AP1G1: variants seen among roughly 807,000 people sequenced by gnomAD.
The protein encoded by AP1G1 is adaptor related protein complex 1 subunit gamma 1, also known as AP-1 complex subunit gamma-1.
AP1G1 carries 7 observed loss-of-function variants against 108.3 expected under a neutral mutation model. The ratio of observed to expected loss-of-function variants is 0.06; its 90% CI spans 0.04 to 0.12. The LOEUF is 0.12. Among genes scored for constraint, AP1G1 ranks in the 10% least tolerant of loss-of-function variants. The pLI, the probability that AP1G1 is intolerant of heterozygous loss-of-function variation, is 1.00. For synonymous variants in AP1G1, 379 were observed against 353.5 expected, an observed-to-expected ratio of 1.07 and a Z score of -0.81; for missense variants, 756 against 1,010.7, an observed-to-expected ratio of 0.75 and a Z score of 3.42.
intron 1 of AP1G1, among the ~76,000 whole-genome samples, chr16:71,800,046 T>A (rs2032730731): frequency 6.8e-6 from 1 of 146,454 alleles, no homozygotes; most frequent in South Asian, 2.2e-4. Flanking sequence ...CATAGCAAAA[T>A]GTCATCTTTT....
intron 1 of AP1G1, among the ~76,000 whole-genome samples, chr16:71,795,956 G>A (rs557106842): frequency 6.6e-6 from 1 of 152,326 alleles, no homozygotes; most frequent in South Asian, 2.1e-4. Flanking sequence ...CTGGGGATAG[G>A]CCAGGCGTGG....
At chr16:71,768,457 C>T (rs909536485) in intron 6 of AP1G1, among the ~76,000 whole-genome samples, 4 of 142,042 alleles carry the variant, frequency 2.8e-5, no homozygotes, top group African/African-American at 1.1e-4. Context: ...GCCAAGATTG[C>T]ACCACTGCAC....
intron 15 of AP1G1, 134 bp downstream of exon 15, chr16:71,749,760 G>A (rs1453691707): frequency 2.8e-6 from 2 of 722,432 alleles, no homozygotes; most frequent in African/African-American, 1.7e-5. Flanking sequence ...CAAAGCGCTG[G>A]GATTATAGGC....
chr16:71,746,445 A>C, intron 17 of AP1G1, 143 bp downstream of exon 17: 1 of 475,468 alleles, frequency 2.1e-6, no homozygotes, highest in Non-Finnish European at 3.6e-6. Context: ...TGGACAAAAC[A>C]GAAGCAGACA....
intron 4 of AP1G1, among the ~76,000 whole-genome samples, chr16:71,771,813 C>A (rs2031582412): frequency 6.6e-6 from 1 of 152,160 alleles, no homozygotes; most frequent in Non-Finnish European, 1.5e-5. Context: ...CATCACACAA[C>A]TGAAAGATAT....
chr16:71,745,593 C>A lies in AP1G1; in HGVS notation c.1752G>T (p.Met584Ile), dbSNP rs573600980. 1.9e-6 allele frequency: 3 copies of A among 1,614,134 alleles called. No individual in the cohort carries two copies. The South Asian group carries it at 3.3e-5, about 18-fold the overall frequency. ...TTGTGGTCACTTTTTCCATGACAGGCATTCTCTCAAGTAGGGCAGACCTAG... is the reference window on the plus strand; with the variant it reads ...TTGTGGTCACTTTTTCCATGACAGGAATTCTCTCAAGTAGGGCAGACCTAG... ...DHMRSALLER[M>I]PVMEKVTTNG... The change falls in exon 18 of 23, where the codon ATG (methionine) becomes ATT (isoleucine). Residue 584 changes from methionine to isoleucine, a missense_variant. Physicochemically the swap from Met to Ile is conservative, Grantham distance 10. This residue lies in a region of AP1G1 where 357 missense variants were observed against 366.5 expected (regional missense o/e 0.97). Transcript: ENST00000299980.
chr16:71,759,941 T>C (rs1028131277), intron 10 of AP1G1, among the ~76,000 whole-genome samples: 1 of 152,126 alleles, frequency 6.6e-6, no homozygotes, highest in African/African-American at 2.4e-5. Flanking sequence ...TTCTCTGCTT[T>C]TATTTGATCT....
At position 71,730,987 on chromosome 16, in the gene AP1G1, G is replaced by A. The variant is rs933784247; in HGVS notation, c.*2071C>T. 1 of 152,354 alleles carries A rather than the reference G, an allele frequency of 6.6e-6. No homozygotes were observed. 9.4% of individuals were successfully genotyped at this position (152,354 alleles called of 1,614,324 possible). ...CTGAGCTGGTTAGCTACAAATATAA[G>A]AGAGAAAATAAAGCCTCTACACAAA... is the stretch of plus-strand genomic sequence containing the variant. On this transcript the variant is annotated 3_prime_UTR_variant, in exon 23 of 23. Transcript: ENST00000299980.
intron 21 of AP1G1, among the ~76,000 whole-genome samples, chr16:71,736,545 T>C (rs2145411106): frequency 7.2e-6 from 1 of 138,518 alleles, no homozygotes; most frequent in South Asian, 2.3e-4. Context: ...CACGCCCGGC[T>C]AATTTATTAT....
Position 71,746,669 on chromosome 16 carries a change from A to C in AP1G1, c.1649T>G (p.Ile550Ser). The C allele has an allele frequency of 6.2e-7, 1 of 1,612,388 alleles. No homozygotes were observed. Among genetic ancestry groups the C allele is most frequent in the Non-Finnish European group, 8.5e-7 (1 of 1,179,352 alleles). The change falls in exon 17 of 23, where the codon ATC (isoleucine) becomes AGC (serine). Residue 550 changes from isoleucine (I) to serine (S), a missense_variant. By Grantham distance (142) the Ile-to-Ser change is moderately radical. This residue lies in a region of AP1G1 where 357 missense variants were observed against 366.5 expected (regional missense o/e 0.97). Transcript: ENST00000299980. ...TVNRIKKVVS[I>S]YGSSIDVELQ... ...TTCCACATCAATGCTGCTTCCGTAG[A>C]TGGAAACCACTTTCTTAATTCGGCT...
chr16:71,771,166 C>G lies in AP1G1; in HGVS notation c.555G>C (p.Glu185Asp). The change falls in exon 5 of 23, where the codon GAG becomes GAC. Residue 185 changes from glutamate to aspartate, a missense_variant. Physicochemically the swap from Glu to Asp is conservative, Grantham distance 45. Around this residue, in one of 3 missense-constraint regions of AP1G1, gnomAD observed 304 missense variants for 483.6 expected, o/e 0.63. Coordinates refer to ENST00000299980, the MANE Select transcript of AP1G1 (RefSeq NM_001128.6). ...TCCAAATTACATTACCATGGTTCTTCTCATTCAATAAATTTTTTGTTGCTG... is the reference window on the plus strand; with the variant it reads ...TCCAAATTACATTACCATGGTTCTTGTCATTCAATAAATTTTTTGTTGCTG... ...FLPATKNLLNEKNHGVLHTSV... is the reference protein window; with the variant it reads ...FLPATKNLLNDKNHGVLHTSV... 6.3e-7 allele frequency: 1 copy of G among 1,596,376 alleles called. No individual in the cohort carries two copies. The highest frequency in any genetic ancestry group is 1.1e-5 in the South Asian group (1 of 90,510).
At chr16:71,790,028 A>G (rs376198881) in intron 1 of AP1G1, among the ~76,000 whole-genome samples, 40 of 152,292 alleles carry the variant, frequency 2.6e-4, no homozygotes, top group African/African-American at 8.9e-4. Flanking sequence ...GTATACTTTG[A>G]AAATGTGATG....
chr16:71,782,660 G>C (rs933202380), intron 2 of AP1G1, among the ~76,000 whole-genome samples: 1 of 151,760 alleles, frequency 6.6e-6, no homozygotes, highest in African/African-American at 2.4e-5. Flanking sequence ...GTTAATTTTT[G>C]TATTTTTAGT....
chr16:71,770,647 C>T (rs2031533809), intron 5 of AP1G1, among the ~76,000 whole-genome samples: 1 of 152,138 alleles, frequency 6.6e-6, no homozygotes, highest in African/African-American at 2.4e-5. Context: ...CCAGCTAATT[C>T]TGGTATTTTT....
Position 71,729,836 on chromosome 16 carries a change from T to C in AP1G1, c.*3222A>G, listed in dbSNP as rs2045461622. ...GACACTGTGGTTAAAATACATTCAC[T>C]AGAAAAAAATAGACACATTCAAACT... is the stretch of plus-strand genomic sequence containing the variant. On this transcript the variant is annotated 3_prime_UTR_variant, in exon 23 of 23. Coordinates refer to ENST00000299980, the MANE Select transcript of AP1G1 (RefSeq NM_001128.6). 6.6e-6 allele frequency: 1 copy of C among 152,664 alleles called. No individual in the cohort carries two copies. The highest frequency in any genetic ancestry group is 6.5e-5 in the Admixed American group (1 of 15,292). The allele number at this position is 152,664 out of a possible 1,614,324, so 9.5% of individuals were successfully genotyped here.
intron 2 of AP1G1, among the ~76,000 whole-genome samples, chr16:71,775,519 A>C (rs1206331433): frequency 1.3e-5 from 2 of 152,166 alleles, no homozygotes; most frequent in Non-Finnish European, 2.9e-5. Context: ...AGATTAACAA[A>C]CCAAATTCCT....
intron 6 of AP1G1, among the ~76,000 whole-genome samples, chr16:71,768,151 T>C (rs1034178586): frequency 2.3e-5 from 3 of 127,972 alleles, no homozygotes; most frequent in Non-Finnish European, 4.8e-5. Context: ...GAGTCTAAAA[T>C]TAAGTGGAGA....
In AP1G1 at chr16:71,743,003, C is replaced by T. The variant is rs2029943932; in HGVS notation, c.1999+2141G>A. 2.0e-5 allele frequency: 3 copies of T among 151,836 alleles called. No individual in the cohort carries two copies. In the South Asian group the frequency reaches 6.2e-4, roughly 31 times the overall value. 9.4% of individuals were successfully genotyped at this position (151,836 alleles called of 1,614,324 possible). A position where few individuals can be genotyped will look rare whatever the true frequency, so the allele number is the denominator to read the frequency against. ...AACCAAAAAAAAAAGCCAAACTACC[C>T]AATACTAACGAACTGAGTAAACAGA... On this transcript the variant is annotated intron_variant, in intron 19 of 22. Coordinates refer to ENST00000299980, the MANE Select transcript of AP1G1 (RefSeq NM_001128.6).
In AP1G1 at chr16:71,738,923, AAAG is replaced by A. The variant is rs747615231; in HGVS notation, c.2268+16_2268+18del. ...CAATCTTTAATCAAAGGAAACATCT[AAAG>A]AAGACATTGTAGTACCTTTGGTACT... On this transcript the variant is annotated intron_variant, in intron 21 of 22. Coordinates refer to ENST00000299980, the MANE Select transcript of AP1G1 (RefSeq NM_001128.6). 30 of 1,598,508 alleles carry A rather than the reference AAAG, an allele frequency of 1.9e-5. 1 individual carries two copies. The East Asian group carries it at 6.7e-4, about 36-fold the overall frequency.
Sources: gnomAD v4.1 joint callset for allele counts (sites outside exome capture counted in the v4.1 genomes callset) on GRCh38, gnomAD v4.1.1 for gene constraint, gnomAD v4.1.1 regional missense constraint, MANE v1.5 for transcripts, NCBI Gene and HGNC (gene_info 2026-07-23, HGNC 2026-07-21) for gene names.